Variants in ZDHHC1 observed in about 807,000 individuals in gnomAD.
The protein encoded by ZDHHC1 is zDHHC palmitoyltransferase 1, also known as palmitoyltransferase ZDHHC1.
ZDHHC1 carries 45 observed loss-of-function variants against 46.9 expected under a neutral mutation model. The ratio of observed to expected loss-of-function variants is 0.96; its 90% CI spans 0.76 to 1.23. The LOEUF is 1.23. Ranked by LOEUF, ZDHHC1 falls within the 50% of genes most tolerant of loss-of-function variation. The pLI, the probability that ZDHHC1 is intolerant of heterozygous loss-of-function variation, is 0.00. For synonymous variants in ZDHHC1, 291 were observed against 286.0 expected (o/e 1.02, Z -0.18); for missense variants, 649 against 670.8 (o/e 0.97, Z 0.36).
rs760947384 is a variant in ZDHHC1 at position 67,398,259 on chromosome 16, C to G, written c.880G>C (p.Val294Leu). The change falls in exon 8 of 12, where the codon GTT (valine) becomes CTT (leucine). Residue 294 changes from valine (V) to leucine (L), a missense_variant. Coordinates refer to ENST00000565726, the MANE Select transcript of ZDHHC1 (RefSeq NM_001323627.2). ...QHRPPQEAKGVHRELESCPPK... is the reference protein window; with the variant it reads ...QHRPPQEAKGLHRELESCPPK... Reference sequence around the variant, plus strand: ...GGACATGACTCGAGCTCCCTGTGAACCCCCTTGGCCTCCTGTGGTGGGCGG... The same window carrying G: ...GGACATGACTCGAGCTCCCTGTGAAGCCCCTTGGCCTCCTGTGGTGGGCGG... The G allele has an allele frequency of 2.5e-6, 4 of 1,614,102 alleles. No individual in the cohort carries two copies. The South Asian group carries it at 4.4e-5, about 18-fold the overall frequency.
At chr16:67,399,536 G>A in intron 4 of ZDHHC1, 80 bp from the exon 5 acceptor site, 1 of 1,199,302 alleles carries the variant, frequency 8.3e-7, no homozygotes, top group Non-Finnish European at 1.2e-6. Context: ...GGTTGAGTGG[G>A]GTCTGTGGAG....
intron 4 of ZDHHC1, among the ~76,000 whole-genome samples, 165 bp downstream of exon 4, chr16:67,400,781 ATCACCTTCTCC>A (rs1385019118): frequency 2.0e-5 from 3 of 152,256 alleles, no homozygotes; most frequent in Non-Finnish European, 4.4e-5. Context: ...TCTGTTTCCA[ATCACCTTCTCC>A]TCACCTTCTC....
intron 1 of ZDHHC1, among the ~76,000 whole-genome samples, chr16:67,413,527 G>A (rs1017339925): frequency 6.6e-6 from 1 of 152,158 alleles, no homozygotes; most frequent in African/African-American, 2.4e-5. Flanking sequence ...ACTAACGGAT[G>A]CGCATCACAC....
At chr16:67,415,210 C>A (rs1351909188) in intron 1 of ZDHHC1, among the ~76,000 whole-genome samples, 1 of 152,028 alleles carries the variant, frequency 6.6e-6, no homozygotes, top group Non-Finnish European at 1.5e-5. Flanking sequence ...GTAATCCCAG[C>A]ACTTTGGGAG....
Position 67,399,372 on chromosome 16 carries a change from C to G in ZDHHC1, c.513G>C (p.Val171=), listed in dbSNP as rs2040501076. Residue 171 remains valine, a synonymous_variant, in exon 5 of 12, where the codon GTG becomes GTC. Coordinates refer to ENST00000565726, the MANE Select transcript of ZDHHC1 (RefSeq NM_001323627.2). ...DHHCKWLNNC[V]GERNYRLFLH... is the part of the protein sequence containing the mutation. ...GTCCTCACCGGTAGTTCCGCTCGCCCACACAGTTGTTGAGCCACTTGCAGT... is the reference window on the plus strand; with the variant it reads ...GTCCTCACCGGTAGTTCCGCTCGCCGACACAGTTGTTGAGCCACTTGCAGT... The G allele has an allele frequency of 6.2e-7, 1 of 1,613,200 alleles. No homozygotes were observed. The highest frequency in any genetic ancestry group is 1.3e-5 in the African/African-American group (1 of 75,052).
At position 67,394,508 on chromosome 16, in the gene ZDHHC1, G is replaced by GC. The variant is rs1235671243; in HGVS notation, c.*101dup. On this transcript the variant is annotated 3_prime_UTR_variant, in exon 12 of 12. Coordinates refer to ENST00000565726, the MANE Select transcript of ZDHHC1 (RefSeq NM_001323627.2). ...TGGGGGAGGGAGGCCGATCCCGCCG[G>GC]CCGTAGGGGCCCCTAAAGTGCACTC... The GC allele has an allele frequency of 1.9e-6, 2 of 1,037,368 alleles. No individual in the cohort carries two copies. The highest frequency in any genetic ancestry group is 2.4e-6 in the Non-Finnish European group (2 of 843,928). The allele number at this position is 1,037,368 out of a possible 1,614,324, so 64.3% of individuals were successfully genotyped here.
rs991505036 is a variant in ZDHHC1, at chr16:67,406,179, C to T, written c.252+21G>A. The T allele has an allele frequency of 6.2e-7, 1 of 1,611,922 alleles. No homozygotes were observed. Among genetic ancestry groups the T allele is most frequent in the African/African-American group, 1.3e-5 (1 of 74,922 alleles). ...TGCCTCCCCACTTCCACACACCAGC[C>T]CTACGCTTTCCCAAGGATACAGCGT... On this transcript the variant is annotated intron_variant, in intron 3 of 11. Transcript: ENST00000565726. The surrounding 1 kb of genome is among the most constrained non-coding windows in gnomAD (Gnocchi z 4.1).
Position 67,401,270 on chromosome 16 carries a change from T to TC in ZDHHC1, c.253-139dup. 1 of 1,220,142 alleles carries TC rather than the reference T, an allele frequency of 8.2e-7. No homozygotes were observed. The highest frequency in any genetic ancestry group is 1.5e-5 in the South Asian group (1 of 66,074). 75.6% of individuals were successfully genotyped at this position (1,220,142 alleles called of 1,614,324 possible). A position where few individuals can be genotyped will look rare whatever the true frequency, so the allele number is the denominator to read the frequency against. ...TGCCTCTGCCACCTCCTACCTCCAG[T>TC]CCCCCAAAGCCTCCTCATCAGACCT... On this transcript the variant is annotated intron_variant, in intron 3 of 11. Transcript: ENST00000565726. This position sits in a 1 kb window ranked among gnomAD's most constrained non-coding sequence, Gnocchi z 4.6.
Position 67,394,458 on chromosome 16 carries a change from C to T in ZDHHC1, c.*152G>A. The T allele has an allele frequency of 1.8e-6, 1 of 561,586 alleles. No homozygotes were observed. The highest frequency in any genetic ancestry group is 2.4e-6 in the Non-Finnish European group (1 of 413,440). The allele number at this position is 561,586 out of a possible 1,614,324, so 34.8% of individuals were successfully genotyped here. On this transcript the variant is annotated 3_prime_UTR_variant, in exon 12 of 12. Transcript: ENST00000565726. ...AAAAAGTTTATTGGAGCATCACAGCCGGTGGGGCGGGTATTGCTGAGTCGT... is the reference window on the plus strand; with the variant it reads ...AAAAAGTTTATTGGAGCATCACAGCTGGTGGGGCGGGTATTGCTGAGTCGT...
intron 1 of ZDHHC1, among the ~76,000 whole-genome samples, chr16:67,408,423 C>A (rs776939876): frequency 1.3e-5 from 2 of 152,018 alleles, no homozygotes. Flanking sequence ...GATCCGCCAG[C>A]CTTGGCCTCC....
rs965560967 is a variant in ZDHHC1 at position 67,406,538 on chromosome 16, T to C, written c.10-96A>G. On this transcript the variant is annotated intron_variant, in intron 2 of 11. Coordinates refer to ENST00000565726, the MANE Select transcript of ZDHHC1 (RefSeq NM_001323627.2). This position sits in a 1 kb window ranked among gnomAD's most constrained non-coding sequence, Gnocchi z 4.1. ...CAGCCAAGTTTCAGCACAGGGGGAG[T>C]AGGCTGCGACAGCTACTCTGCTGGG... 20 of 1,399,192 alleles carry C rather than the reference T, an allele frequency of 1.4e-5. No individual in the cohort carries two copies. In the East Asian group the frequency reaches 2.8e-4, roughly 20 times the overall value. The allele number at this position is 1,399,192 out of a possible 1,614,324, so 86.7% of individuals were successfully genotyped here.
chr16:67,411,983 C>T (rs529665191), intron 1 of ZDHHC1, among the ~76,000 whole-genome samples: 2 of 151,864 alleles, frequency 1.3e-5, no homozygotes, highest in Admixed American at 6.6e-5. Context: ...CGTGGTGGTG[C>T]GGGCCTGTAG....
chr16:67,395,078 G>T lies in ZDHHC1; in HGVS notation c.1105-16C>A. On this transcript the variant is annotated splice_polypyrimidine_tract_variant and intron_variant, in intron 10 of 11. Coordinates refer to ENST00000565726, the MANE Select transcript of ZDHHC1 (RefSeq NM_001323627.2). ...TCCTCTTTTTCTGCAGAGACACGGG[G>T]GAGCCTGAGGGCCCCACATCGCCAA... is the stretch of plus-strand genomic sequence containing the variant. The T allele has an allele frequency of 6.2e-7, 1 of 1,613,308 alleles. No individual in the cohort carries two copies. The highest frequency in any genetic ancestry group is 8.5e-7 in the Non-Finnish European group (1 of 1,179,938).
intron 8 of ZDHHC1, among the ~76,000 whole-genome samples, chr16:67,396,804 GC>G (rs939431639): frequency 6.6e-6 from 1 of 152,224 alleles, no homozygotes; most frequent in African/African-American, 2.4e-5. Flanking sequence ...TCTAGGGCCA[GC>G]AGAGGGGCAA....
chr16:67,399,187 C>T (rs2142231401), intron 5 of ZDHHC1, among the ~76,000 whole-genome samples, 168 bp downstream of exon 5: 1 of 152,306 alleles, frequency 6.6e-6, no homozygotes, highest in South Asian at 2.1e-4. Context: ...GCCATCTCAG[C>T]CGGCACCCAG....
At chr16:67,404,334 C>T (rs185489239) in intron 3 of ZDHHC1, 49 of 202,630 alleles carry the variant, frequency 2.4e-4, no homozygotes, top group South Asian at 9.1e-5. Context: ...GCGTGATCAC[C>T]ACGTGGCGTG....
Position 67,406,544 on chromosome 16 carries a change from G to A in ZDHHC1, c.10-102C>T. On this transcript the variant is annotated intron_variant, in intron 2 of 11. Coordinates refer to ENST00000565726, the MANE Select transcript of ZDHHC1 (RefSeq NM_001323627.2). The surrounding 1 kb of genome is among the most constrained non-coding windows in gnomAD (Gnocchi z 4.1). The stretch of plus-strand genomic sequence containing the variant: ...AGTTTCAGCACAGGGGGAGTAGGCT[G>A]CGACAGCTACTCTGCTGGGGAAACT... 1 of 1,375,124 alleles carries A rather than the reference G, an allele frequency of 7.3e-7. No individual in the cohort carries two copies. Among genetic ancestry groups the A allele is most frequent in the Non-Finnish European group, 9.6e-7 (1 of 1,045,036 alleles). 85.2% of individuals were successfully genotyped at this position (1,375,124 alleles called of 1,614,324 possible). A position where few individuals can be genotyped will look rare whatever the true frequency, so the allele number is the denominator to read the frequency against.
intron 1 of ZDHHC1, among the ~76,000 whole-genome samples, chr16:67,408,369 T>G (rs928853135): frequency 6.6e-6 from 1 of 152,112 alleles, no homozygotes; most frequent in African/African-American, 2.4e-5. Context: ...GGTCCCACTA[T>G]GTTGCCCAGG....
rs2040555215 is a variant in ZDHHC1 at position 67,401,646 on chromosome 16, C to T, written c.253-514G>A. Among the ~76,000 whole-genome samples, 1 of 152,184 alleles carries T rather than the reference C, an allele frequency of 6.6e-6. No individual in the cohort carries two copies. Among genetic ancestry groups the T allele is most frequent in the East Asian group, 1.9e-4 (1 of 5,198 alleles). On this transcript the variant is annotated intron_variant, in intron 3 of 11. Transcript: ENST00000565726. The surrounding 1 kb of genome is among the most constrained non-coding windows in gnomAD (Gnocchi z 4.6). ...GGCCAGATGGAGAACCCCTTGCAGA[C>T]ACGGATTCGGACACTTGCTACCTCC... is the stretch of plus-strand genomic sequence containing the variant.
Sources: gnomAD v4.1 joint callset for allele counts (sites outside exome capture counted in the v4.1 genomes callset) on GRCh38, gnomAD v4.1.1 for gene constraint, Gnocchi (gnomAD v3.1) non-coding constraint, MANE v1.5 for transcripts, NCBI Gene and HGNC (gene_info 2026-07-23, HGNC 2026-07-21) for gene names.